The following ADK variants were observed in gnomAD, a reference collection of about 807,000 sequenced individuals.
ADK encodes N6,N6-dimethyladenosine kinase.
Under a neutral mutation model 44.7 loss-of-function variants are expected in ADK, and 24 were observed. That is an observed-to-expected ratio of 0.54 (90% CI 0.39 to 0.76). The LOEUF is 0.76. ADK is among the 30% of genes least tolerant of loss of function. The probability of loss-of-function intolerance (pLI) is 0.00; values close to 1 mark genes in which losing one functional copy is unlikely to be tolerated. For missense variants in ADK, 321 were observed against 425.1 expected (o/e 0.76, Z 2.15); for synonymous variants, 128 against 142.6 (o/e 0.90, Z 0.73).
intron 10 of ADK, among the ~76,000 whole-genome samples, chr10:74,703,078 T>C (rs1174709322): frequency 6.6e-6 from 1 of 152,210 alleles, no homozygotes; most frequent in Admixed American, 6.5e-5. Context: ...TCCATCATAA[T>C]GTGTGTAGTA....
rs149146682 is a variant in ADK at position 74,310,531 on chromosome 10, C to T, written c.195-4136C>T. On this transcript the variant is annotated intron_variant, in intron 3 of 10. Coordinates refer to ENST00000539909, the MANE Select transcript of ADK (RefSeq NM_006721.4). The stretch of plus-strand genomic sequence containing the variant: ...TTATCACATCCTGTGTCTTCAACTT[C>T]GGAATGATTCCTTACTTTGGTCTCG... 3.4e-4 allele frequency among the ~76,000 whole-genome samples: 51 copies of T among 152,220 alleles called. 1 individual carries two copies. In the South Asian group the frequency reaches 8.3e-3, roughly 25 times the overall value.
chr10:74,649,059 T>C (rs1854159936), intron 9 of ADK, among the ~76,000 whole-genome samples: 1 of 151,956 alleles, frequency 6.6e-6, no homozygotes, highest in South Asian at 2.1e-4. Context: ...ACGCAGCCTG[T>C]AGTCCCAGCT....
At chr10:74,352,753 G>T (rs1436260582) in intron 4 of ADK, among the ~76,000 whole-genome samples, 3 of 152,128 alleles carry the variant, frequency 2.0e-5, no homozygotes, top group Admixed American at 2.0e-4. Context: ...TCAAAAATTG[G>T]GCAAAGGATA....
intron 9 of ADK, among the ~76,000 whole-genome samples, chr10:74,627,886 C>T (rs575476810): frequency 1.3e-5 from 2 of 152,334 alleles, no homozygotes; most frequent in South Asian, 2.1e-4. Context: ...ATCCACCTGC[C>T]TTGGCCTACC....
intron 3 of ADK, among the ~76,000 whole-genome samples, chr10:74,261,574 A>G (rs7086014): frequency 0.65 from 98,880 of 152,052 alleles, 33,397 homozygotes; most frequent in Middle Eastern, 0.79. Context: ...AAATTTTTCC[A>G]TACATGTAGG....
chr10:74,214,008 A>G (rs1843926753), intron 2 of ADK, among the ~76,000 whole-genome samples: 1 of 152,358 alleles, frequency 6.6e-6, no homozygotes, highest in Admixed American at 6.5e-5. Context: ...TTAAGAATAC[A>G]AAGAGTATAG....
intron 7 of ADK, among the ~76,000 whole-genome samples, chr10:74,527,378 A>C (rs200524618): frequency 0.011 from 1,694 of 150,452 alleles, 42 homozygotes; most frequent in African/African-American, 0.039. Flanking sequence ...CAAACAAAAA[A>C]AAAAAAACAT....
intron 10 of ADK, among the ~76,000 whole-genome samples, chr10:74,694,147 A>ATTTTTTTTTT (rs10669118): frequency 2.2e-4 from 18 of 82,304 alleles, no homozygotes; most frequent in Non-Finnish European, 3.0e-4. Flanking sequence ...TTTCAAACAC[A>ATTTTTTTTTT]TTTTTTTTTT....
intron 4 of ADK, among the ~76,000 whole-genome samples, chr10:74,375,626 G>A (rs1842792115): frequency 1.3e-5 from 2 of 152,268 alleles, no homozygotes; most frequent in African/African-American, 4.8e-5. Context: ...AGTCAGTCAA[G>A]GGGGGCCAGA....
chr10:74,414,047 C>T (rs1844281405), intron 6 of ADK, among the ~76,000 whole-genome samples: 1 of 152,056 alleles, frequency 6.6e-6, no homozygotes, highest in Non-Finnish European at 1.5e-5. Flanking sequence ...CATCCCAAAA[C>T]AATTACAATA....
chr10:74,476,235 T>C (rs1011890054), intron 6 of ADK, among the ~76,000 whole-genome samples: 2 of 152,168 alleles, frequency 1.3e-5, no homozygotes, highest in Non-Finnish European at 2.9e-5. Context: ...GGCTCATGCC[T>C]GTAATCTCAG....
intron 6 of ADK, among the ~76,000 whole-genome samples, chr10:74,413,172 A>G (rs1844247403): frequency 6.6e-6 from 1 of 152,184 alleles, no homozygotes; most frequent in African/African-American, 2.4e-5. Flanking sequence ...TAAGGGCTCT[A>G]GGATTTTTAG....
intron 2 of ADK, among the ~76,000 whole-genome samples, chr10:74,209,913 G>C (rs1843745060): frequency 6.6e-6 from 1 of 152,160 alleles, no homozygotes; most frequent in East Asian, 1.9e-4. Context: ...AAAAGGCAGG[G>C]AAGGAATGTG....
intron 7 of ADK, among the ~76,000 whole-genome samples, chr10:74,557,309 TTCATC>T (rs1396728594): frequency 1.3e-5 from 2 of 152,192 alleles, no homozygotes; most frequent in Admixed American, 6.5e-5. Context: ...TATCTACCCT[TTCATC>T]TCAGTTATAA....
At chr10:74,297,125 A>G (rs1839846028) in intron 3 of ADK, among the ~76,000 whole-genome samples, 1 of 152,216 alleles carries the variant, frequency 6.6e-6, no homozygotes, top group South Asian at 2.1e-4. Flanking sequence ...TTGCAGAAAT[A>G]CACATTTTAT....
intron 4 of ADK, among the ~76,000 whole-genome samples, chr10:74,316,906 A>G (rs1374792585): frequency 6.6e-6 from 1 of 151,692 alleles, no homozygotes; most frequent in Non-Finnish European, 1.5e-5. Context: ...TTTTTTTACA[A>G]TATTTCACAT....
Position 74,439,866 on chromosome 10 carries a change from G to A in ADK, c.555+41287G>A, listed in dbSNP as rs184792312. Among the ~76,000 whole-genome samples, 1,036 of 151,878 alleles carry A rather than the reference G, an allele frequency of 6.8e-3. 9 individuals are homozygous for A. Among genetic ancestry groups the A allele is most frequent in the Non-Finnish European group, 0.011 (730 of 67,858 alleles). On this transcript the variant is annotated intron_variant, in intron 6 of 10. Coordinates refer to ENST00000539909, the MANE Select transcript of ADK (RefSeq NM_006721.4). ...CAACTTGGTTTAATTTTAACATATA[G>A]ACTAACATAATTTCTAGTAGGCATA...
chr10:74,223,570 G>A (rs2132240884), intron 2 of ADK, among the ~76,000 whole-genome samples: 1 of 152,170 alleles, frequency 6.6e-6, no homozygotes, highest in East Asian at 1.9e-4. Flanking sequence ...GGTTGAGTAT[G>A]AATGAGAATT....
At chr10:74,262,331 CA>C (rs1485206688) in intron 3 of ADK, among the ~76,000 whole-genome samples, 1 of 135,068 alleles carries the variant, frequency 7.4e-6, no homozygotes, top group African/African-American at 2.7e-5. Context: ...AAAAAAAAAA[CA>C]AAAAAACTCC....
Sources: allele counts gnomAD v4.1 joint callset (sites outside exome capture counted in the v4.1 genomes callset), GRCh38; gene constraint gnomAD v4.1.1; transcripts MANE v1.5; gene names NCBI Gene and HGNC (gene_info 2026-07-23, HGNC 2026-07-21).